The following DNAH6 variants were observed in gnomAD, a reference collection of about 807,000 sequenced individuals.
DNAH6 encodes dynein axonemal heavy chain 6.
A neutral mutation model predicts 491.4 loss-of-function variants in DNAH6; 340 were observed. The ratio of observed to expected loss-of-function variants is 0.69; its 90% CI spans 0.63 to 0.76. The LOEUF is 0.76. DNAH6 is among the 30% of genes least tolerant of loss of function. The pLI, the probability that DNAH6 is intolerant of heterozygous loss-of-function variation, is 0.00. For missense variants in DNAH6, 4,443 were observed against 4,972.2 expected (o/e 0.89, Z 3.20); for synonymous variants, 1,603 against 1,686.1 (o/e 0.95, Z 1.21).
chr2:84,528,743 C>T (rs1676843273), intron 3 of DNAH6, among the ~76,000 whole-genome samples, 161 bp from the exon 4 acceptor site: 2 of 152,106 alleles, frequency 1.3e-5, no homozygotes, highest in South Asian at 4.1e-4. Context: ...AATATGACTG[C>T]CTAACAATAG....
chr2:84,605,108 G>C (rs111844453), intron 19 of DNAH6, among the ~76,000 whole-genome samples: 6,096 of 152,048 alleles, frequency 0.04, 390 homozygotes, highest in African/African-American at 0.14. Flanking sequence ...AGCACTTTGG[G>C]AGGCCAAGGC....
intron 48 of DNAH6, among the ~76,000 whole-genome samples, chr2:84,700,071 G>A (rs539799898): frequency 6.6e-6 from 1 of 152,324 alleles, no homozygotes; most frequent in South Asian, 2.1e-4. Context: ...CCAAAGGAAA[G>A]CAGAGAGATG....
Position 84,703,368 on chromosome 2 carries a change from A to T in DNAH6, c.8062-27A>T, listed in dbSNP as rs903644635. The T allele has an allele frequency of 2.2e-5, 32 of 1,468,046 alleles. No individual in the cohort carries two copies. In the Admixed American group the frequency reaches 3.9e-4, roughly 18 times the overall value. 90.9% of individuals were successfully genotyped at this position (1,468,046 alleles called of 1,614,324 possible). ...AAACTTAGAGTTTATAATGCTCATT[A>T]TAATATAAATTTTCATTGTCACTTA... On this transcript the variant is annotated intron_variant, in intron 49 of 76. Coordinates refer to ENST00000389394, the MANE Select transcript of DNAH6 (RefSeq NM_001370.2).
chr2:84,739,514 A>C (rs954433240), intron 62 of DNAH6, among the ~76,000 whole-genome samples: 1 of 152,218 alleles, frequency 6.6e-6, no homozygotes, highest in African/African-American at 2.4e-5. Context: ...ACTTTACATA[A>C]TCCCATATTT....
At position 84,723,989 on chromosome 2, in the gene DNAH6, A is replaced by C. The variant is rs570287195; in HGVS notation, c.9972+1185A>C. Among the ~76,000 whole-genome samples, 3 of 152,328 alleles carry C rather than the reference A, an allele frequency of 2.0e-5. No homozygotes were observed. The South Asian group carries it at 6.2e-4, about 32-fold the overall frequency. ...AAGCATCTGCATCAGAGGTTCTCTC[A>C]GGTGCCAGTGGCCTCTTCTCAGCCC... On this transcript the variant is annotated intron_variant, in intron 60 of 76. Coordinates refer to ENST00000389394, the MANE Select transcript of DNAH6 (RefSeq NM_001370.2).
At chr2:84,668,054 C>A (rs1305510605) in intron 37 of DNAH6, among the ~76,000 whole-genome samples, 3 of 151,872 alleles carry the variant, frequency 2.0e-5, no homozygotes, top group African/African-American at 7.3e-5. Context: ...AACACTTGGA[C>A]ACAGGGTGGG....
intron 16 of DNAH6, 38 bp downstream of exon 16, chr2:84,588,992 T>A: frequency 6.6e-7 from 1 of 1,513,200 alleles, no homozygotes; most frequent in Non-Finnish European, 8.9e-7. Flanking sequence ...TAGAAATGTG[T>A]GTATAGAAAT....
chr2:84,517,367 C>CT (rs956507799), intron 1 of DNAH6, among the ~76,000 whole-genome samples: 7 of 152,228 alleles, frequency 4.6e-5, no homozygotes, highest in Middle Eastern at 3.4e-3. Flanking sequence ...GCCCTCAATT[C>CT]TTTTTTTTCC....
At chr2:84,738,850 T>C (rs1672249268) in intron 62 of DNAH6, among the ~76,000 whole-genome samples, 1 of 152,208 alleles carries the variant, frequency 6.6e-6, no homozygotes, top group Non-Finnish European at 1.5e-5. Flanking sequence ...TTAAAATTGA[T>C]ATATGAGGTT....
chr2:84,618,510 C>T (rs1687096425), intron 23 of DNAH6, among the ~76,000 whole-genome samples: 1 of 151,572 alleles, frequency 6.6e-6, no homozygotes, highest in African/African-American at 2.4e-5. Flanking sequence ...TGACAATCAA[C>T]AATCTAGAGC....
chr2:84,619,308 G>A (rs1444246114), intron 23 of DNAH6, among the ~76,000 whole-genome samples: 2 of 152,252 alleles, frequency 1.3e-5, no homozygotes, highest in South Asian at 2.1e-4. Context: ...TGAATACCAG[G>A]TATGTGTGAC....
At chr2:84,699,153 C>T (rs1454135364) in intron 47 of DNAH6, among the ~76,000 whole-genome samples, 3 of 151,996 alleles carry the variant, frequency 2.0e-5, no homozygotes, top group Admixed American at 6.6e-5. Flanking sequence ...TTGTAACAAA[C>T]CTACACATGT....
rs1370496116 is a variant in DNAH6, at chr2:84,781,612, T to C, written c.10823T>C (p.Met3608Thr). 6.4e-7 allele frequency: 1 copy of C among 1,551,984 alleles called. No homozygotes were observed. The highest frequency in any genetic ancestry group is 2.0e-5 in the Admixed American group (1 of 51,002). ...AATTGCCATCTTGCTGTTTCTTGGA[T>C]GTTGGCAATGGAAGAGCTCATTAAA... ...LQNCHLAVSW[M>T]LAMEELIKTF... Residue 3608 changes from methionine (M) to threonine (T), a missense_variant, in exon 65 of 77, where the codon ATG becomes ACG. Physicochemically the swap from Met to Thr is moderately conservative, Grantham distance 81. This residue lies in a region of DNAH6 where 1,463 missense variants were observed against 1,656.6 expected (regional missense o/e 0.88). Coordinates refer to ENST00000389394, the MANE Select transcript of DNAH6 (RefSeq NM_001370.2).
chr2:84,559,308 G>A (rs529701973), intron 11 of DNAH6, among the ~76,000 whole-genome samples: 12 of 152,148 alleles, frequency 7.9e-5, no homozygotes, highest in African/African-American at 2.4e-4. Context: ...AGGAAACAAG[G>A]TTAAAAATAA....
intron 64 of DNAH6, among the ~76,000 whole-genome samples, chr2:84,778,715 G>A (rs1676389860): frequency 6.6e-6 from 1 of 152,074 alleles, no homozygotes; most frequent in Non-Finnish European, 1.5e-5. Context: ...TGCCCAGGAT[G>A]ATCTCAAACT....
chr2:84,476,744 G>A, the DNAH6 span, among the ~76,000 whole-genome samples: 1 of 152,096 alleles, frequency 6.6e-6, no homozygotes, highest in African/African-American at 2.4e-5. Flanking sequence ...ATAGTCCCTC[G>A]TTCCGTGAAC....
intron 11 of DNAH6, among the ~76,000 whole-genome samples, chr2:84,564,053 A>G (rs927855751): frequency 2.0e-5 from 3 of 152,076 alleles, no homozygotes; most frequent in African/African-American, 7.2e-5. Flanking sequence ...CTCTTGGTCT[A>G]TGTGTCTGTT....
At chr2:84,507,092 A>C in the DNAH6 span, among the ~76,000 whole-genome samples, 1 of 152,094 alleles carries the variant, frequency 6.6e-6, no homozygotes, top group Admixed American at 6.5e-5. Flanking sequence ...GTTTTTTCCA[A>C]TTCTGTGAAG....
intron 36 of DNAH6, among the ~76,000 whole-genome samples, chr2:84,658,793 CT>C (rs1488069198): frequency 6.6e-6 from 1 of 152,000 alleles, no homozygotes; most frequent in Non-Finnish European, 1.5e-5. Flanking sequence ...CAAACTTGGA[CT>C]TTTTTTCCCT....
Sources: allele counts gnomAD v4.1 joint callset (sites outside exome capture counted in the v4.1 genomes callset), GRCh38; gene constraint gnomAD v4.1.1; regional missense constraint gnomAD v4.1.1; transcripts MANE v1.5; gene names NCBI Gene and HGNC (gene_info 2026-07-23, HGNC 2026-07-21).